Variants in EIF4G2 observed in about 807,000 individuals in gnomAD.
EIF4G2 encodes DAP-5.
In EIF4G2, 8 loss-of-function variants were observed where a neutral mutation model predicts 117.7. That is an observed-to-expected ratio of 0.07 (90% CI 0.04 to 0.12). The LOEUF (loss-of-function observed/expected upper bound fraction) is 0.12, where lower values mean the gene tolerates loss of function less well. EIF4G2 is among the 10% of genes least tolerant of loss of function. The probability of loss-of-function intolerance (pLI) is 1.00; values close to 1 mark genes in which losing one functional copy is unlikely to be tolerated. For synonymous variants in EIF4G2, 413 were observed against 367.8 expected (o/e 1.12, Z -1.41); for missense variants, 812 against 1,086.2 (o/e 0.75, Z 3.55).
At chr11:10,805,810 T>C in intron 4 of EIF4G2, 97 bp downstream of exon 4, 1 of 1,544,132 alleles carries the variant, frequency 6.5e-7, no homozygotes, top group African/African-American at 1.4e-5. Context: ...ATACATACTC[T>C]GGGCATGAAC....
intron 18 of EIF4G2, 159 bp downstream of exon 18, chr11:10,799,931 A>T: frequency 8.5e-7 from 1 of 1,170,752 alleles, no homozygotes; most frequent in Non-Finnish European, 1.2e-6. Flanking sequence ...AAAGTAGTTA[A>T]ATTATAAATC....
intron 1 of EIF4G2, 83 bp downstream of exon 1, chr11:10,808,621 AT>A: frequency 1.9e-6 from 1 of 528,152 alleles, no homozygotes; most frequent in Non-Finnish European, 2.7e-6. Context: ...TGCGGCCGCC[AT>A]TTTGTACCAC....
chr11:10,803,694 A>G lies in EIF4G2; in HGVS notation c.703-104T>C. The G allele has an allele frequency of 1.7e-6, 2 of 1,185,464 alleles. No homozygotes were observed. The highest frequency in any genetic ancestry group is 1.9e-5 in the Admixed American group (1 of 51,978). The allele number at this position is 1,185,464 out of a possible 1,614,324, so 73.4% of individuals were successfully genotyped here. Reference sequence around the variant, plus strand: ...GCACTGACTCATTCACAGTTCCTACAGAATCTAGTATAGGGCTTTCTACCA... The same window carrying G: ...GCACTGACTCATTCACAGTTCCTACGGAATCTAGTATAGGGCTTTCTACCA... On this transcript the variant is annotated intron_variant, in intron 8 of 21. Transcript: ENST00000339995. The surrounding 1 kb of genome is among the most constrained non-coding windows in gnomAD (Gnocchi z 4.0).
chr11:10,806,699 C>A (rs1016939441), intron 3 of EIF4G2, 121 bp downstream of exon 3: 1 of 1,106,574 alleles, frequency 9.0e-7, no homozygotes, highest in Non-Finnish European at 1.3e-6. Context: ...GGATACCCAA[C>A]AGAAACCACG....
intron 11 of EIF4G2, 125 bp downstream of exon 11, chr11:10,802,905 A>C (rs894571244): frequency 1.3e-6 from 1 of 782,246 alleles, no homozygotes; most frequent in Non-Finnish European, 2.0e-6. Flanking sequence ...GAGACACTAA[A>C]AACATTAAGC....
chr11:10,797,985 T>A lies in EIF4G2; in HGVS notation c.2659-104A>T, dbSNP rs974047741. 19 of 989,002 alleles carry A rather than the reference T, an allele frequency of 1.9e-5. No homozygotes were observed. The highest frequency in any genetic ancestry group is 4.8e-5 in the African/African-American group (3 of 61,896). The allele number at this position is 989,002 out of a possible 1,614,324, so 61.3% of individuals were successfully genotyped here. On this transcript the variant is annotated intron_variant, in intron 21 of 21. Coordinates refer to ENST00000339995, the MANE Select transcript of EIF4G2 (RefSeq NM_001418.4). The surrounding 1 kb of genome is among the most constrained non-coding windows in gnomAD (Gnocchi z 4.5). ...ACAGTTTTAGAATATGAAACAAGGA[T>A]ATCCCTACCAACAATTTGTATATTA...
intron 3 of EIF4G2, 66 bp downstream of exon 3, chr11:10,806,754 C>G (rs1564985489): frequency 3.2e-6 from 5 of 1,562,946 alleles, no homozygotes; most frequent in South Asian, 1.1e-5. Flanking sequence ...TTAATTATAC[C>G]GTCACATGGG....
chr11:10,807,690 C>A, intron 1 of EIF4G2: 14 of 1,003,412 alleles, frequency 1.4e-5, no homozygotes, highest in Non-Finnish European at 1.7e-5. Context: ...AAAAGTCTAA[C>A]TACAGACACG....
intron 1 of EIF4G2, chr11:10,807,929 C>T (rs893230878): frequency 1.1e-5 from 11 of 1,013,858 alleles, no homozygotes; most frequent in African/African-American, 8.7e-5. Flanking sequence ...GAACCTCCGC[C>T]CCGTTTTTCC....
At position 10,800,627 on chromosome 11, in the gene EIF4G2, A is replaced by G; in HGVS notation, c.1665T>C (p.Tyr555=). 6.2e-7 allele frequency: 1 copy of G among 1,614,146 alleles called. No homozygotes were observed. Among genetic ancestry groups the G allele is most frequent in the Non-Finnish European group, 8.5e-7 (1 of 1,180,034 alleles). The change falls in exon 17 of 22, where the codon TAT becomes TAC. Residue 555 remains tyrosine (Y), a synonymous_variant. Coordinates refer to ENST00000339995, the MANE Select transcript of EIF4G2 (RefSeq NM_001418.4). ...CCTCATTTGCATTTCCACTATTTAGATATTCAGTCACAACAGTTTCCTGTG... is the reference window on the plus strand; with the variant it reads ...CCTCATTTGCATTTCCACTATTTAGGTATTCAGTCACAACAGTTTCCTGTG...
intron 21 of EIF4G2, among the ~76,000 whole-genome samples, chr11:10,798,284 G>T (rs1401875689): frequency 6.6e-6 from 1 of 152,188 alleles, no homozygotes; most frequent in South Asian, 2.1e-4. Context: ...TGATTTGAGA[G>T]AATGCCCTGA....
rs368923153 is a variant in EIF4G2 at position 10,803,352 on chromosome 11, G to A, written c.814-58C>T. 1 of 1,587,822 alleles carries A rather than the reference G, an allele frequency of 6.3e-7. No individual in the cohort carries two copies. The highest frequency in any genetic ancestry group is 1.4e-5 in the African/African-American group (1 of 74,054). On this transcript the variant is annotated intron_variant, in intron 9 of 21. Transcript: ENST00000339995. This position sits in a 1 kb window ranked among gnomAD's most constrained non-coding sequence, Gnocchi z 4.0. ...CTAAAGCAAATGTGTTCAATTTACA[G>A]CTTTAAGACTTCTAAAATTATAACC...
Position 10,797,774 on chromosome 11 carries a change from G to T in EIF4G2, c.*42C>A. On this transcript the variant is annotated 3_prime_UTR_variant, in exon 22 of 22. Transcript: ENST00000339995. The surrounding 1 kb of genome is among the most constrained non-coding windows in gnomAD (Gnocchi z 4.5). The stretch of plus-strand genomic sequence containing the variant: ...TTAGGTCAAATGCAGTTACATCATA[G>T]CAACAGTATGTTTTGCACAATTTAA... The T allele has an allele frequency of 6.3e-7, 1 of 1,597,698 alleles. No individual in the cohort carries two copies. The highest frequency in any genetic ancestry group is 1.7e-5 in the Admixed American group (1 of 59,632).
intron 3 of EIF4G2, 52 bp from the exon 4 acceptor site, chr11:10,806,099 ACAT>A: frequency 6.2e-7 from 1 of 1,609,458 alleles, no homozygotes; most frequent in Non-Finnish European, 8.5e-7. Flanking sequence ...CAAATGTTAA[ACAT>A]CATAAATTCT....
chr11:10,807,677 T>A, intron 1 of EIF4G2: 1 of 1,011,192 alleles, frequency 9.9e-7, no homozygotes, highest in Non-Finnish European at 1.2e-6. Flanking sequence ...CTGAGATCAA[T>A]AGAAAAGTCT....
intron 17 of EIF4G2, 21 bp from the exon 18 acceptor site, chr11:10,800,369 G>GT: frequency 3.1e-6 from 5 of 1,612,676 alleles, no homozygotes; most frequent in Non-Finnish European, 4.2e-6. Context: ...ATATACAACA[G>GT]TTTATCAGTT....
intron 1 of EIF4G2, 113 bp from the exon 2 acceptor site, chr11:10,807,494 T>C: frequency 7.3e-7 from 1 of 1,361,208 alleles, no homozygotes; most frequent in Non-Finnish European, 9.4e-7. Context: ...TGCAGATCTG[T>C]AAGACTAACC....
chr11:10,799,528 T>C (rs1303190854), intron 19 of EIF4G2, 24 bp downstream of exon 19: 3 of 1,611,164 alleles, frequency 1.9e-6, no homozygotes, highest in African/African-American at 1.3e-5. Context: ...AACATTACCA[T>C]ATGCAGAAAA....
In EIF4G2 at chr11:10,799,116, T is replaced by TTA; in HGVS notation, c.2537-4_2537-3insTA. 1 of 1,468,484 alleles carries TTA rather than the reference T, an allele frequency of 6.8e-7. No individual in the cohort carries two copies. The highest frequency in any genetic ancestry group is 1.3e-5 in the South Asian group (1 of 76,456). 91.0% of individuals were successfully genotyped at this position (1,468,484 alleles called of 1,614,324 possible). On this transcript the variant is annotated splice_polypyrimidine_tract_variant and splice_region_variant and intron_variant, in intron 20 of 21. Transcript: ENST00000339995. The stretch of plus-strand genomic sequence containing the variant: ...CACAAAAAAGCGAAGTAACATGCCT[T>TTA]AAAAAAAAAAAAAAAAAGAAAAAAG...
Sources: allele counts gnomAD v4.1 joint callset (sites outside exome capture counted in the v4.1 genomes callset), GRCh38; gene constraint gnomAD v4.1.1; non-coding constraint Gnocchi (gnomAD v3.1); transcripts MANE v1.5; gene names NCBI Gene and HGNC (gene_info 2026-07-23, HGNC 2026-07-21).